CADPS: variants seen among roughly 807,000 people sequenced by gnomAD.
The protein encoded by CADPS is calcium-dependent secretion activator 1.
In CADPS, 57 loss-of-function variants were observed where a neutral mutation model predicts 167.3. The observed-to-expected ratio is 0.34, with a 90% CI of 0.28 to 0.42. The LOEUF (loss-of-function observed/expected upper bound fraction) is 0.42. Ranked by LOEUF, CADPS falls within the 20% of genes least tolerant of loss-of-function variation. The probability of loss-of-function intolerance (pLI) is 1.00; values close to 1 mark genes in which losing one functional copy is unlikely to be tolerated. For synonymous variants in CADPS, 676 were observed against 635.3 expected, an observed-to-expected ratio of 1.06 and a Z score of -0.96; for missense variants, 1,414 against 1,738.1, an observed-to-expected ratio of 0.81 and a Z score of 3.32.
At chr3:62,441,288 T>C (rs1041157594) in intron 27 of CADPS, among the ~76,000 whole-genome samples, 3 of 152,324 alleles carry the variant, frequency 2.0e-5, no homozygotes, top group African/African-American at 2.4e-5. Flanking sequence ...CAAATATCTG[T>C]ATAGTTAACT....
intron 9 of CADPS, among the ~76,000 whole-genome samples, chr3:62,558,579 G>C (rs149501330): frequency 6.6e-6 from 1 of 152,182 alleles, no homozygotes; most frequent in East Asian, 1.9e-4. Context: ...GACATTTTTA[G>C]TCTCTTCTAT....
intron 12 of CADPS, among the ~76,000 whole-genome samples, chr3:62,533,569 G>T (rs1215116057): frequency 6.6e-6 from 1 of 152,138 alleles, no homozygotes; most frequent in Admixed American, 6.5e-5. Context: ...ACAAGAAAAT[G>T]GAAATCCTGG....
chr3:62,695,697 G>T (rs929180267), intron 3 of CADPS, among the ~76,000 whole-genome samples: 1 of 151,944 alleles, frequency 6.6e-6, no homozygotes, highest in African/African-American at 2.4e-5. Context: ...TTGAGACAGG[G>T]TCTCACTCTA....
chr3:62,824,781 T>G (rs908698002), intron 1 of CADPS, among the ~76,000 whole-genome samples: 1 of 152,198 alleles, frequency 6.6e-6, no homozygotes, highest in Non-Finnish European at 1.5e-5. Context: ...GCCCAGGGAC[T>G]GAAATATTTT....
chr3:62,456,817 T>C (rs941985541), intron 26 of CADPS, among the ~76,000 whole-genome samples: 4 of 151,152 alleles, frequency 2.6e-5, no homozygotes, highest in African/African-American at 4.9e-5. Context: ...AGTAAGATAG[T>C]GTTTGCCAAT....
intron 1 of CADPS, among the ~76,000 whole-genome samples, chr3:62,810,376 G>A (rs1324194071): frequency 6.6e-6 from 1 of 152,074 alleles, no homozygotes; most frequent in African/African-American, 2.4e-5. Context: ...AAGCATATTA[G>A]TAGTAGTGGT....
chr3:62,643,451 T>G (rs2067860523), intron 6 of CADPS, among the ~76,000 whole-genome samples: 1 of 152,172 alleles, frequency 6.6e-6, no homozygotes, highest in Non-Finnish European at 1.5e-5. Context: ...AGCAAAATGT[T>G]TCAATGTGAG....
chr3:62,752,074 T>C (rs2082830797), intron 3 of CADPS, among the ~76,000 whole-genome samples: 1 of 152,178 alleles, frequency 6.6e-6, no homozygotes, highest in Non-Finnish European at 1.5e-5. Context: ...TCTCTGTAAT[T>C]CTGAATCTTG....
At chr3:62,857,497 T>G (rs1020490827) in intron 1 of CADPS, among the ~76,000 whole-genome samples, 2 of 152,070 alleles carry the variant, frequency 1.3e-5, no homozygotes, top group Admixed American at 6.5e-5. Flanking sequence ...ACCAGTTAAA[T>G]AATGTTACAT....
In CADPS at chr3:62,516,098, C is replaced by T. The variant is rs149875451; in HGVS notation, c.2542G>A (p.Val848Ile). The change falls in exon 16 of 30, where the codon GTC becomes ATC. Residue 848 changes from valine to isoleucine, a missense_variant. Physicochemically the swap from Val to Ile is conservative, Grantham distance 29. This residue lies in a region of CADPS where 529 missense variants were observed against 629.6 expected (regional missense o/e 0.84). Coordinates refer to ENST00000383710, the MANE Select transcript of CADPS (RefSeq NM_003716.4). ...TACTCTGAGAGCCGAGAATAGTTGACTAACGCAGCCTGTTCCAGACATTTA... is the reference window on the plus strand; with the variant it reads ...TACTCTGAGAGCCGAGAATAGTTGATTAACGCAGCCTGTTCCAGACATTTA... ...IRKCLEQAAL[V>I]NYSRLSEYAK... The T allele has an allele frequency of 1.2e-6, 2 of 1,613,196 alleles. No homozygotes were observed. Among genetic ancestry groups the T allele is most frequent in the South Asian group, 2.2e-5 (2 of 91,054 alleles).
At chr3:62,559,942 C>T (rs2152360139) in intron 9 of CADPS, among the ~76,000 whole-genome samples, 1 of 151,292 alleles carries the variant, frequency 6.6e-6, no homozygotes, top group African/African-American at 2.4e-5. Context: ...AAGATTTATG[C>T]ATTTACTATT....
intron 1 of CADPS, among the ~76,000 whole-genome samples, chr3:62,820,115 A>G (rs1212590910): frequency 1.3e-5 from 2 of 152,182 alleles, no homozygotes; most frequent in African/African-American, 2.4e-5. Context: ...GGGAGCAGTG[A>G]GTTTTCATAA....
At chr3:62,525,548 G>A (rs911027351) in intron 13 of CADPS, among the ~76,000 whole-genome samples, 9 of 152,086 alleles carry the variant, frequency 5.9e-5, no homozygotes, top group Non-Finnish European at 1.2e-4. Context: ...TTTTTATACC[G>A]CATCAGTGCC....
At chr3:62,449,748 T>C (rs573023889) in intron 26 of CADPS, among the ~76,000 whole-genome samples, 124 of 152,272 alleles carry the variant, frequency 8.1e-4, no homozygotes, top group African/African-American at 2.8e-3. Context: ...CTATATAATA[T>C]AGTAGCTTTT....
chr3:62,561,038 C>T (rs1205143380), intron 9 of CADPS, among the ~76,000 whole-genome samples: 3 of 135,816 alleles, frequency 2.2e-5, no homozygotes, highest in Admixed American at 1.7e-4. Context: ...GAGATCGCAC[C>T]ACTGCACTCC....
intron 3 of CADPS, among the ~76,000 whole-genome samples, chr3:62,669,638 T>C (rs1334135526): frequency 6.6e-6 from 1 of 152,210 alleles, no homozygotes; most frequent in Admixed American, 6.5e-5. Flanking sequence ...CTTTCCACTT[T>C]AAAGCTGAGC....
At chr3:62,657,272 A>G (rs1482299889) in intron 4 of CADPS, among the ~76,000 whole-genome samples, 2 of 152,116 alleles carry the variant, frequency 1.3e-5, no homozygotes, top group Admixed American at 6.6e-5. Context: ...ATACGGGTCT[A>G]AGTGGCATTT....
intron 28 of CADPS, among the ~76,000 whole-genome samples, chr3:62,429,905 G>C (rs2053581658): frequency 6.6e-6 from 1 of 152,162 alleles, no homozygotes; most frequent in Non-Finnish European, 1.5e-5. Context: ...TTCTGATAAA[G>C]ACACTTAGCA....
chr3:62,682,476 A>T (rs1461668655), intron 3 of CADPS, among the ~76,000 whole-genome samples: 1 of 152,084 alleles, frequency 6.6e-6, no homozygotes, highest in Non-Finnish European at 1.5e-5. Flanking sequence ...TGAGTGCTTC[A>T]GAAATCATCT....
Sources: allele counts gnomAD v4.1 joint callset (sites outside exome capture counted in the v4.1 genomes callset), GRCh38; gene constraint gnomAD v4.1.1; regional missense constraint gnomAD v4.1.1; transcripts MANE v1.5; gene names NCBI Gene and HGNC (gene_info 2026-07-23, HGNC 2026-07-21).